The following NYAP2 variants were observed in gnomAD, a reference collection of about 807,000 sequenced individuals.
NYAP2 encodes the protein neuronal tyrosine-phosphorylated phosphoinositide-3-kinase adapter 2.
Under a neutral mutation model 50.4 loss-of-function variants are expected in NYAP2, and 23 were observed. The observed-to-expected ratio is 0.46, with a 90% CI of 0.33 to 0.65. NYAP2 has a LOEUF of 0.65. Among genes scored for constraint, NYAP2 ranks in the 30% least tolerant of loss-of-function variants. The pLI is 0.02. For synonymous variants in NYAP2, 394 were observed against 365.2 expected (o/e 1.08, Z -0.90); for missense variants, 885 against 861.0 (o/e 1.03, Z -0.35).
Position 225,426,576 on chromosome 2 carries a change from G to A in NYAP2, c.221+17475G>A, listed in dbSNP as rs79546993. On this transcript the variant is annotated intron_variant, in intron 3 of 6. Coordinates refer to ENST00000636099, the Ensembl canonical transcript of NYAP2. ...ATGAATAGGAAGCTAGTCGTGTGGT[G>A]TAATTTGAGGAAGTGCTTACTCAAC... Among the ~76,000 whole-genome samples, 1,442 of 152,294 alleles carry A rather than the reference G, an allele frequency of 9.5e-3. 13 individuals are homozygous for A. The highest frequency in any genetic ancestry group is 0.016 in the Non-Finnish European group (1,074 of 68,028).
At chr2:225,544,284 T>C (rs1193110357) in intron 4 of NYAP2, among the ~76,000 whole-genome samples, 1 of 151,946 alleles carries the variant, frequency 6.6e-6, no homozygotes, top group African/African-American at 2.4e-5. Flanking sequence ...CCATTTATGT[T>C]CAATGTTATT....
intron 2 of NYAP2, among the ~76,000 whole-genome samples, chr2:225,406,698 T>G (rs1694945105): frequency 6.6e-6 from 1 of 152,024 alleles, no homozygotes; most frequent in Admixed American, 6.6e-5. Context: ...CTCAAAAAAT[T>G]TGATCTCCTT....
chr2:225,605,532 A>G (rs1453570406), intron 5 of NYAP2, among the ~76,000 whole-genome samples: 2 of 152,096 alleles, frequency 1.3e-5, no homozygotes, highest in East Asian at 3.8e-4. Flanking sequence ...TGAAGTAGCT[A>G]AGTAAAAAAT....
intron 3 of NYAP2, among the ~76,000 whole-genome samples, chr2:225,468,879 T>A (rs1689967204): frequency 6.6e-6 from 1 of 152,206 alleles, no homozygotes; most frequent in Non-Finnish European, 1.5e-5. Flanking sequence ...TTTATTTGAA[T>A]TACTAAATTC....
At chr2:225,662,816 G>C in the NYAP2 span, among the ~76,000 whole-genome samples, 6 of 152,146 alleles carry the variant, frequency 3.9e-5, no homozygotes, top group African/African-American at 1.4e-4. Context: ...ATCATTCAAG[G>C]AACGATCTAG....
At chr2:225,495,706 T>C (rs922431654) in intron 3 of NYAP2, among the ~76,000 whole-genome samples, 2 of 152,210 alleles carry the variant, frequency 1.3e-5, no homozygotes, top group Non-Finnish European at 2.9e-5. Context: ...ATACTGGTGA[T>C]TATTGTAGCA....
At chr2:225,650,153 T>A (rs919391060) in intron 6 of NYAP2, among the ~76,000 whole-genome samples, 5 of 152,128 alleles carry the variant, frequency 3.3e-5, no homozygotes, top group Non-Finnish European at 7.4e-5. Context: ...TGTCTGCATG[T>A]TGTGTCTGAG....
intron 6 of NYAP2, among the ~76,000 whole-genome samples, chr2:225,629,749 C>T (rs1189008873): frequency 1.3e-5 from 2 of 152,112 alleles, no homozygotes; most frequent in Admixed American, 1.3e-4. Flanking sequence ...AACCCACTCT[C>T]TCAAGAACCA....
chr2:225,612,853 A>ACCCAATGTGTGTGATGACATCACC (rs1559229918), intron 5 of NYAP2, among the ~76,000 whole-genome samples: 1 of 147,930 alleles, frequency 6.8e-6, no homozygotes, highest in Non-Finnish European at 1.5e-5. Context: ...ATGACATCAC[A>ACCCAATGTGTGTGATGACATCACC]TCTGGGTCTA....
At position 225,513,227 on chromosome 2, in the gene NYAP2, C is replaced by T. The variant is rs571303399; in HGVS notation, c.222-144C>T. 4 of 732,130 alleles carry T rather than the reference C, an allele frequency of 5.5e-6. No homozygotes were observed. The South Asian group carries it at 7.8e-5, about 14-fold the overall frequency. The allele number at this position is 732,130 out of a possible 1,614,324, so 45.4% of individuals were successfully genotyped here. A position where few individuals can be genotyped will look rare whatever the true frequency, so the allele number is the denominator to read the frequency against. ...CAAAAGTTAGAATGCTTTCATGCTA[C>T]TTGAGTTTGTTTTAAAAGGCAGCAT... On this transcript the variant is annotated intron_variant, in intron 3 of 6. Coordinates refer to ENST00000636099, the Ensembl canonical transcript of NYAP2.
At chr2:225,487,230 G>A (rs941848875) in intron 3 of NYAP2, among the ~76,000 whole-genome samples, 14 of 152,234 alleles carry the variant, frequency 9.2e-5, no homozygotes, top group African/African-American at 3.4e-4. Flanking sequence ...AGTAAATGGA[G>A]TGGACAGTGC....
the NYAP2 span, among the ~76,000 whole-genome samples, chr2:225,696,613 AC>A: frequency 6.6e-6 from 1 of 151,902 alleles, no homozygotes; most frequent in Non-Finnish European, 1.5e-5. Flanking sequence ...CTTTGTTCAC[AC>A]CAAAACCTAC....
chr2:225,427,084 G>C (rs1037635450), intron 3 of NYAP2, among the ~76,000 whole-genome samples: 19 of 152,196 alleles, frequency 1.2e-4, no homozygotes, highest in African/African-American at 4.6e-4. Context: ...GAATCTTTGT[G>C]TAAGAAAAAT....
the NYAP2 span, among the ~76,000 whole-genome samples, chr2:225,677,461 T>C: frequency 1.1e-4 from 16 of 152,270 alleles, no homozygotes; most frequent in African/African-American, 3.9e-4. Flanking sequence ...AATAGAGTGG[T>C]GAGAGTGGGC....
intron 4 of NYAP2, among the ~76,000 whole-genome samples, chr2:225,567,784 A>G (rs1378313025): frequency 6.6e-6 from 1 of 152,140 alleles, no homozygotes; most frequent in Non-Finnish European, 1.5e-5. Flanking sequence ...TGTGTGGAAC[A>G]GTGGTAGTTT....
intron 3 of NYAP2, among the ~76,000 whole-genome samples, chr2:225,424,672 C>T (rs1324175466): frequency 6.6e-6 from 1 of 151,778 alleles, no homozygotes; most frequent in African/African-American, 2.4e-5. Flanking sequence ...TTGTAATTTC[C>T]TCTGTTTTTT....
At chr2:225,498,797 A>G (rs1208167784) in intron 3 of NYAP2, among the ~76,000 whole-genome samples, 1 of 152,172 alleles carries the variant, frequency 6.6e-6, no homozygotes, top group African/African-American at 2.4e-5. Flanking sequence ...ATTTCTTGGA[A>G]GCATTTGTTC....
At chr2:225,438,185 A>C (rs569607155) in intron 3 of NYAP2, among the ~76,000 whole-genome samples, 16 of 152,176 alleles carry the variant, frequency 1.1e-4, no homozygotes, top group Non-Finnish European at 2.2e-4. Flanking sequence ...CCACATATCT[A>C]GTAGATGTGT....
At chr2:225,627,616 G>A (rs1693231778) in intron 6 of NYAP2, among the ~76,000 whole-genome samples, 1 of 152,168 alleles carries the variant, frequency 6.6e-6, no homozygotes, top group African/African-American at 2.4e-5. Flanking sequence ...TGAGCTGAAG[G>A]TGATAACTGG....
Sources: gnomAD v4.1 joint callset for allele counts (sites outside exome capture counted in the v4.1 genomes callset) on GRCh38, gnomAD v4.1.1 for gene constraint, MANE v1.5 for transcripts, NCBI Gene and HGNC (gene_info 2026-07-23, HGNC 2026-07-21) for gene names.